The following GABRA1 variants were observed in gnomAD, a reference collection of about 807,000 sequenced individuals.
The protein encoded by GABRA1 is gamma-aminobutyric acid receptor subunit alpha-1.
In GABRA1, 9 loss-of-function variants were observed where a neutral mutation model predicts 48.9. That is an observed-to-expected ratio of 0.18 (90% CI 0.11 to 0.32). The LOEUF is 0.32. GABRA1 is among the 10% of genes least tolerant of loss of function. The pLI is 1.00. For synonymous variants in GABRA1, 210 were observed against 198.7 expected (o/e 1.06, Z -0.48); for missense variants, 285 against 553.8 (o/e 0.51, Z 4.87).
chr5:161,854,414 G>T lies in GABRA1; in HGVS notation c.187+144G>T, dbSNP rs1227866917. On this transcript the variant is annotated intron_variant, in intron 3 of 9. Transcript: ENST00000393943. ...ATCTATTTTTAATGGATCACTCTAT[G>T]TTAATTCAAGTTACTCTGTAGTTTC... The T allele has an allele frequency of 6.0e-6, 4 of 667,068 alleles. No homozygotes were observed. In the East Asian group the frequency reaches 1.1e-4, roughly 18 times the overall value. The allele number at this position is 667,068 out of a possible 1,614,324, so 41.3% of individuals were successfully genotyped here. A position where few individuals can be genotyped will look rare whatever the true frequency, so the allele number is the denominator to read the frequency against.
intron 1 of GABRA1, chr5:161,849,087 G>T: frequency 2.4e-6 from 1 of 419,480 alleles, no homozygotes; most frequent in Non-Finnish European, 4.7e-6. Flanking sequence ...GGTAGAAAGT[G>T]GTAAGACTGC....
intron 3 of GABRA1, among the ~76,000 whole-genome samples, chr5:161,861,369 A>G (rs1412364185): frequency 1.3e-5 from 2 of 151,904 alleles, no homozygotes; most frequent in African/African-American, 4.8e-5. Context: ...ACAGCAAAAT[A>G]TACATTTTTT....
intron 7 of GABRA1, among the ~76,000 whole-genome samples, chr5:161,886,485 G>A (rs1754853873): frequency 6.6e-6 from 1 of 151,966 alleles, no homozygotes; most frequent in African/African-American, 2.4e-5. Flanking sequence ...AATAATAAGA[G>A]TAGGCCTGGG....
At chr5:161,883,331 T>C (rs1182145326) in intron 7 of GABRA1, among the ~76,000 whole-genome samples, 2 of 152,168 alleles carry the variant, frequency 1.3e-5, no homozygotes, top group Non-Finnish European at 2.9e-5. Context: ...GTAGGTAGCA[T>C]GCCATCCTTT....
chr5:161,873,834 T>G (rs2113383529), intron 5 of GABRA1, among the ~76,000 whole-genome samples: 1 of 152,324 alleles, frequency 6.6e-6, no homozygotes, highest in Non-Finnish European at 1.5e-5. Flanking sequence ...ATACTATTAA[T>G]TTTGCTCAAA....
At chr5:161,861,011 C>T (rs1057355253) in intron 3 of GABRA1, among the ~76,000 whole-genome samples, 9 of 151,662 alleles carry the variant, frequency 5.9e-5, no homozygotes, top group Non-Finnish European at 1.0e-4. Context: ...TGAAAAATAA[C>T]GTAGTGTTCC....
At chr5:161,849,530 G>A (rs1468549890) in intron 1 of GABRA1, among the ~76,000 whole-genome samples, 1 of 151,990 alleles carries the variant, frequency 6.6e-6, no homozygotes, top group East Asian at 1.9e-4. Context: ...AACATATTAT[G>A]TTTCATTGCT....
chr5:161,870,841 T>C (rs750353722), intron 4 of GABRA1, among the ~76,000 whole-genome samples: 21 of 152,092 alleles, frequency 1.4e-4, no homozygotes, highest in Non-Finnish European at 2.8e-4. Context: ...TTTACACTGT[T>C]GGTTAGGCAG....
chr5:161,849,062 GA>G (rs1296046900), intron 1 of GABRA1: 1 of 440,844 alleles, frequency 2.3e-6, no homozygotes, highest in Non-Finnish European at 4.5e-6. Context: ...GTGTCTGGGG[GA>G]GGGGGAGGTT....
chr5:161,877,596 T>C lies in GABRA1; in HGVS notation c.559+1954T>C, dbSNP rs1221507880. Among the ~76,000 whole-genome samples the C allele has an allele frequency of 2.0e-5, 3 of 152,204 alleles. 1 individual carries two copies. The highest frequency in any genetic ancestry group is 6.5e-5 in the Admixed American group (1 of 15,280). ...AAGATAAAAGCTTTCCCTAAAATCC[T>C]AGTGGAAATCTACTTACATCTCATT... On this transcript the variant is annotated intron_variant, in intron 6 of 9. Coordinates refer to ENST00000393943, the MANE Select transcript of GABRA1 (RefSeq NM_001127644.2).
rs1386685758 is a variant in GABRA1, at chr5:161,874,403, A to AT, written c.476+1068dup. ...GACACATGTGTTGAGAACTTTCTAGATTATCTAAGCAGGACCTATTCGTAA... is the reference window on the plus strand; with the variant it reads ...GACACATGTGTTGAGAACTTTCTAGATTTATCTAAGCAGGACCTATTCGTAA... On this transcript the variant is annotated intron_variant, in intron 5 of 9. Coordinates refer to ENST00000393943, the MANE Select transcript of GABRA1 (RefSeq NM_001127644.2). 9.9e-5 allele frequency among the ~76,000 whole-genome samples: 15 copies of AT among 152,234 alleles called. No individual in the cohort carries two copies. In the East Asian group the frequency reaches 2.9e-3, roughly 29 times the overall value.
chr5:161,850,219 G>C (rs1452364142), intron 1 of GABRA1: 1 of 159,342 alleles, frequency 6.3e-6, no homozygotes, highest in Non-Finnish European at 1.4e-5. Flanking sequence ...CAGAATAAAA[G>C]CACGACTCCG....
chr5:161,883,831 C>T (rs1303871486), intron 7 of GABRA1, among the ~76,000 whole-genome samples: 1 of 152,084 alleles, frequency 6.6e-6, no homozygotes, highest in African/African-American at 2.4e-5. Flanking sequence ...CTCTTGCTTG[C>T]TTAGAAGCCC....
rs946330734 is a variant in GABRA1, at chr5:161,897,663, A to T, written c.*241A>T. The T allele has an allele frequency of 3.8e-5, 19 of 505,708 alleles. No homozygotes were observed. Among genetic ancestry groups the T allele is most frequent in the African/African-American group, 3.3e-4 (17 of 51,194 alleles). 31.3% of individuals were successfully genotyped at this position (505,708 alleles called of 1,614,324 possible). ...AAGAGCAAAGTCATGTCAGAAGGAG[A>T]CAGAATGAGAGAGAAAAGAGGGGGA... On this transcript the variant is annotated 3_prime_UTR_variant, in exon 10 of 10. Coordinates refer to ENST00000393943, the MANE Select transcript of GABRA1 (RefSeq NM_001127644.2).
chr5:161,850,789 T>C lies in GABRA1; in HGVS notation c.-15-7T>C. 1 of 1,612,908 alleles carries C rather than the reference T, an allele frequency of 6.2e-7. No individual in the cohort carries two copies. ...AGACATTGATCTCTACTTATTCTAC[T>C]TTTCAGCTGCTCCAGCCCGCGATGA... On this transcript the variant is annotated splice_polypyrimidine_tract_variant and splice_region_variant and intron_variant, in intron 1 of 9. Transcript: ENST00000393943.
Position 161,895,838 on chromosome 5 carries a change from A to G in GABRA1, c.1029A>G (p.Ala343=), listed in dbSNP as rs1304537393. The change falls in exon 9 of 10, where the codon GCA becomes GCG. Residue 343 remains alanine (A), a synonymous_variant. Coordinates refer to ENST00000393943, the MANE Select transcript of GABRA1 (RefSeq NM_001127644.2). ...ACTATTTCACTAAGAGAGGTTATGCATGGGATGGCAAAAGTGTGGTTCCAG... is the reference window on the plus strand; with the variant it reads ...ACTATTTCACTAAGAGAGGTTATGCGTGGGATGGCAAAAGTGTGGTTCCAG... ...TVNYFTKRGY[A]WDGKSVVPEK... is the part of the protein sequence containing the mutation. 7 of 1,613,978 alleles carry G rather than the reference A, an allele frequency of 4.3e-6. No individual in the cohort carries two copies. The highest frequency in any genetic ancestry group is 2.2e-5 in the East Asian group (1 of 44,870).
chr5:161,897,473 A>G lies in GABRA1; in HGVS notation c.*51A>G, dbSNP rs1356536662. 2.7e-6 allele frequency: 4 copies of G among 1,490,386 alleles called. No homozygotes were observed. The highest frequency in any genetic ancestry group is 2.8e-6 in the Non-Finnish European group (3 of 1,069,774). The allele number at this position is 1,490,386 out of a possible 1,614,324, so 92.3% of individuals were successfully genotyped here. On this transcript the variant is annotated 3_prime_UTR_variant, in exon 10 of 10. Coordinates refer to ENST00000393943, the MANE Select transcript of GABRA1 (RefSeq NM_001127644.2). The stretch of plus-strand genomic sequence containing the variant: ...AGTCCTCTGCACTGGGAATTTATTT[A>G]TGTTCTCAACGCAGTAATTCCCATC...
In GABRA1 at chr5:161,859,611, C is replaced by T. The variant is rs572331752; in HGVS notation, c.187+5341C>T. On this transcript the variant is annotated intron_variant, in intron 3 of 9. Coordinates refer to ENST00000393943, the MANE Select transcript of GABRA1 (RefSeq NM_001127644.2). ...CTTTTAAAATTCAACTTTGAGCTGT[C>T]CCGGGATGATAAAATGCCTGATATT... is the stretch of plus-strand genomic sequence containing the variant. 4.0e-5 allele frequency among the ~76,000 whole-genome samples: 6 copies of T among 151,816 alleles called. No homozygotes were observed. The East Asian group carries it at 1.2e-3, about 29-fold the overall frequency.
At chr5:161,878,994 G>A (rs72819314) in intron 6 of GABRA1, among the ~76,000 whole-genome samples, 18,095 of 152,176 alleles carry the variant, frequency 0.12, 1,458 homozygotes, top group East Asian at 0.26. Flanking sequence ...TCATAAAAGT[G>A]AAATGATAGT....
Sources: gnomAD v4.1 joint callset for allele counts (sites outside exome capture counted in the v4.1 genomes callset) on GRCh38, gnomAD v4.1.1 for gene constraint, MANE v1.5 for transcripts, NCBI Gene and HGNC (gene_info 2026-07-23, HGNC 2026-07-21) for gene names.